Variants in PDHX observed in about 807,000 individuals in gnomAD.
The protein encoded by PDHX is pyruvate dehydrogenase complex component X.
Under a neutral mutation model 55.3 loss-of-function variants are expected in PDHX, and 33 were observed. The observed-to-expected ratio is 0.60, with a 90% CI of 0.45 to 0.80. PDHX has a LOEUF of 0.80. Ranked by LOEUF, PDHX falls within the 30% of genes least tolerant of loss-of-function variation. The pLI, the probability that PDHX is intolerant of heterozygous loss-of-function variation, is 0.00. For synonymous variants in PDHX, 226 were observed against 219.4 expected (o/e 1.03, Z -0.27); for missense variants, 622 against 619.9 (o/e 1.00, Z -0.04).
intron 6 of PDHX, among the ~76,000 whole-genome samples, chr11:34,968,543 T>G (rs1300518102): frequency 2.6e-5 from 4 of 152,198 alleles, no homozygotes; most frequent in African/African-American, 9.6e-5. Flanking sequence ...AGGAACAGAA[T>G]GGAAAAACTA....
chr11:34,957,459 C>T lies in PDHX; in HGVS notation c.418C>T (p.His140Tyr), dbSNP rs1172243064. 6.2e-7 allele frequency: 1 copy of T among 1,613,368 alleles called. No individual in the cohort carries two copies. The highest frequency in any genetic ancestry group is 8.5e-7 in the Non-Finnish European group (1 of 1,179,480). The change falls in exon 4 of 11, where the codon CAT becomes TAT. Residue 140 changes from histidine (H) to tyrosine (Y), a missense_variant. Transcript: ENST00000227868. ...AGTAGAAGAAGGAGAAGATTGGAAA[C>T]ATGTTGAAATTCCCAAAGACGTAGG... Reference protein sequence around the residue: ...LIVEEGEDWKHVEIPKDVGPP... With the variant: ...LIVEEGEDWKYVEIPKDVGPP...
chr11:34,968,918 T>C (rs181556720), intron 6 of PDHX, among the ~76,000 whole-genome samples: 27 of 152,336 alleles, frequency 1.8e-4, no homozygotes, highest in African/African-American at 5.5e-4. Flanking sequence ...GGATGTTCCA[T>C]GTGTACTTGA....
intron 2 of PDHX, among the ~76,000 whole-genome samples, chr11:34,936,804 TTC>T (rs67198853): frequency 2.0e-4 from 26 of 132,192 alleles, no homozygotes; most frequent in Middle Eastern, 4.2e-3. Flanking sequence ...TTTTTTTTTT[TTC>T]TGAGACAGAG....
chr11:34,974,828 A>G (rs2133988086), intron 7 of PDHX, among the ~76,000 whole-genome samples: 1 of 152,292 alleles, frequency 6.6e-6, no homozygotes, highest in Admixed American at 6.5e-5. Context: ...GGATTGCTTG[A>G]GCCCAGGAGT....
At chr11:34,994,721 A>T (rs1855822139) in intron 10 of PDHX, among the ~76,000 whole-genome samples, 193 bp from the exon 11 acceptor site, 1 of 151,482 alleles carries the variant, frequency 6.6e-6, no homozygotes, top group Non-Finnish European at 1.5e-5. Context: ...TTTACTAGTT[A>T]TCTATAGTCT....
chr11:34,977,644 A>G (rs1005052482), intron 7 of PDHX: 1 of 348,696 alleles, frequency 2.9e-6, no homozygotes, highest in East Asian at 7.6e-5. Flanking sequence ...ATAACTGTTT[A>G]TATATAAAGT....
chr11:34,923,719 A>G (rs1218163550), intron 1 of PDHX, among the ~76,000 whole-genome samples: 2 of 152,278 alleles, frequency 1.3e-5, no homozygotes, highest in African/African-American at 4.8e-5. Flanking sequence ...TTGTGTATTT[A>G]TCTTCTCATC....
chr11:34,978,148 A>G lies in PDHX; in HGVS notation c.989A>G (p.Asp330Gly). The G allele has an allele frequency of 6.4e-7, 1 of 1,571,654 alleles. No homozygotes were observed. The highest frequency in any genetic ancestry group is 2.2e-5 in the East Asian group (1 of 44,532). ...GATGACATTAAAGTATCAGTAAATGATTTTATCATCAAGGCAGCAGCTGTT... is the reference window on the plus strand; with the variant it reads ...GATGACATTAAAGTATCAGTAAATGGTTTTATCATCAAGGCAGCAGCTGTT... ...VKDDIKVSVN[D>G]FIIKAAAVTL... The change falls in exon 8 of 11, where the codon GAT becomes GGT. Residue 330 changes from aspartate to glycine, a missense_variant. Physicochemically the swap from Asp to Gly is moderately conservative, Grantham distance 94. Transcript: ENST00000227868.
chr11:34,988,299 C>A (rs1297114434), intron 9 of PDHX, among the ~76,000 whole-genome samples: 1 of 152,114 alleles, frequency 6.6e-6, no homozygotes, highest in South Asian at 2.1e-4. Flanking sequence ...TATATTAATC[C>A]TCTTTAAAAC....
chr11:34,960,814 AAT>A (rs1855009054), intron 5 of PDHX, among the ~76,000 whole-genome samples: 1 of 152,338 alleles, frequency 6.6e-6, no homozygotes, highest in African/African-American at 2.4e-5. Flanking sequence ...TACAGTATTA[AAT>A]ATGTGAAATC....
chr11:34,924,227 A>G (rs1016776098), intron 1 of PDHX, among the ~76,000 whole-genome samples: 6 of 152,118 alleles, frequency 3.9e-5, no homozygotes, highest in African/African-American at 1.4e-4. Flanking sequence ...GCCAAGTCCC[A>G]TGTGTTACCT....
intron 8 of PDHX, among the ~76,000 whole-genome samples, chr11:34,981,686 T>A (rs9667348): frequency 2.0e-5 from 3 of 151,740 alleles, no homozygotes; most frequent in Non-Finnish European, 2.9e-5. Flanking sequence ...TTTTAATGAT[T>A]GCCATTCTAA....
chr11:34,966,615 T>C, intron 5 of PDHX, 25 bp from the exon 6 acceptor site: 1 of 1,611,074 alleles, frequency 6.2e-7, no homozygotes, highest in Non-Finnish European at 8.5e-7. Flanking sequence ...CTAATTATGG[T>C]TATCTACTTT....
intron 10 of PDHX, among the ~76,000 whole-genome samples, chr11:34,993,307 A>G (rs1390598289): frequency 6.6e-6 from 1 of 151,922 alleles, no homozygotes; most frequent in African/African-American, 2.4e-5. Flanking sequence ...AGTTTTAATG[A>G]ATTCCTATTT....
At position 34,931,416 on chromosome 11, in the gene PDHX, A is replaced by C. The variant is rs1195603631; in HGVS notation, c.173A>C (p.Lys58Thr). 6.9e-6 allele frequency: 11 copies of C among 1,595,304 alleles called. No homozygotes were observed. The highest frequency in any genetic ancestry group is 9.5e-6 in the Non-Finnish European group (11 of 1,163,910). Residue 58 changes from lysine to threonine, a missense_variant, in exon 2 of 11, where the codon AAG (lysine) becomes ACG (threonine). Transcript: ENST00000227868. ...STQWLRGDPI[K>T]ILMPSLSPTM... ...TTTTCAATTTCAGGTGATCCCATTA[A>C]GATACTAATGCCATCACTGTCTCCT... is the stretch of plus-strand genomic sequence containing the variant.
At chr11:34,982,568 C>A (rs2133995601) in intron 8 of PDHX, among the ~76,000 whole-genome samples, 1 of 151,922 alleles carries the variant, frequency 6.6e-6, no homozygotes, top group East Asian at 1.9e-4. Context: ...CAAATAGACG[C>A]AATAAAAAAT....
chr11:34,919,292 G>T (rs1853816470), intron 1 of PDHX, among the ~76,000 whole-genome samples: 1 of 152,146 alleles, frequency 6.6e-6, no homozygotes, highest in South Asian at 2.1e-4. Flanking sequence ...TGAATTTACG[G>T]TGGTGTTTTT....
intron 7 of PDHX, among the ~76,000 whole-genome samples, chr11:34,977,110 A>G (rs1260803513): frequency 6.6e-6 from 1 of 152,134 alleles, no homozygotes; most frequent in Non-Finnish European, 1.5e-5. Flanking sequence ...TGACAGTTTG[A>G]CAGTATTTAG....
At chr11:34,980,408 C>T (rs1217437575) in intron 8 of PDHX, among the ~76,000 whole-genome samples, 2 of 116,806 alleles carry the variant, frequency 1.7e-5, no homozygotes, top group Non-Finnish European at 3.3e-5. Context: ...AAGAACAAAG[C>T]TTCCACAGCA....
Sources: allele counts gnomAD v4.1 joint callset (sites outside exome capture counted in the v4.1 genomes callset), GRCh38; gene constraint gnomAD v4.1.1; transcripts MANE v1.5; gene names NCBI Gene and HGNC (gene_info 2026-07-23, HGNC 2026-07-21).